The following SLIT3 variants were observed in gnomAD, a reference collection of about 807,000 sequenced individuals.
The protein encoded by SLIT3 is slit homolog 3 protein.
Under a neutral mutation model 184.0 loss-of-function variants are expected in SLIT3, and 68 were observed. The ratio of observed to expected loss-of-function variants is 0.37; its 90% CI spans 0.30 to 0.45. SLIT3 has a LOEUF of 0.45. Ranked by LOEUF, SLIT3 falls within the 20% of genes least tolerant of loss-of-function variation. The pLI is 1.00. For synonymous variants in SLIT3, 831 were observed against 828.6 expected (o/e 1.00, Z -0.05); for missense variants, 1,707 against 2,026.0 (o/e 0.84, Z 3.02).
At chr5:169,200,564 C>T (rs553179902) in intron 3 of SLIT3, among the ~76,000 whole-genome samples, 24 of 152,230 alleles carry the variant, frequency 1.6e-4, no homozygotes, top group East Asian at 1.2e-3. Context: ...CTACAGACTC[C>T]GGGCAAGGGC....
At chr5:168,717,927 T>A (rs1442829455) in intron 23 of SLIT3, 1 of 152,240 alleles carries the variant, frequency 6.6e-6, no homozygotes, top group Non-Finnish European at 1.5e-5. Flanking sequence ...CCCAAAGTGC[T>A]GGGATTACAG....
At chr5:168,959,852 G>A (rs1041927321) in intron 4 of SLIT3, among the ~76,000 whole-genome samples, 8 of 152,148 alleles carry the variant, frequency 5.3e-5, no homozygotes, top group Non-Finnish European at 1.0e-4. Context: ...CATTTACCGA[G>A]TTCTCACAGG....
rs1439251084 is a variant in SLIT3, at chr5:168,665,757, A to C, written c.*697T>G. 6.6e-6 allele frequency: 1 copy of C among 151,776 alleles called. No individual in the cohort carries two copies. The highest frequency in any genetic ancestry group is 1.5e-5 in the Non-Finnish European group (1 of 68,402). 9.4% of individuals were successfully genotyped at this position (151,776 alleles called of 1,614,324 possible). A position where few individuals can be genotyped will look rare whatever the true frequency, so the allele number is the denominator to read the frequency against. ...CCAGGAAGGAGAAGAGGGGTCCCCC[A>C]GTGGGTTCAGATACCCTGAAGGGGG... On this transcript the variant is annotated 3_prime_UTR_variant, in exon 36 of 36. Transcript: ENST00000519560.
At chr5:168,951,786 G>C (rs1033266892) in intron 4 of SLIT3, among the ~76,000 whole-genome samples, 9 of 152,192 alleles carry the variant, frequency 5.9e-5, no homozygotes, top group African/African-American at 2.2e-4. Flanking sequence ...AGGCTCATCT[G>C]TTCCTGTCTC....
At chr5:169,185,734 A>G (rs1763310401) in intron 4 of SLIT3, among the ~76,000 whole-genome samples, 1 of 152,206 alleles carries the variant, frequency 6.6e-6, no homozygotes, top group African/African-American at 2.4e-5. Context: ...CCAGTCATTC[A>G]ACAACTCTGA....
At chr5:168,891,197 G>A (rs536603265) in intron 4 of SLIT3, among the ~76,000 whole-genome samples, 1 of 152,280 alleles carries the variant, frequency 6.6e-6, no homozygotes, top group Non-Finnish European at 1.5e-5. Flanking sequence ...TTTGGGAGCA[G>A]GATGCAAAGG....
intron 3 of SLIT3, among the ~76,000 whole-genome samples, chr5:169,216,520 C>A (rs1267410864): frequency 6.6e-6 from 1 of 152,328 alleles, no homozygotes; most frequent in African/African-American, 2.4e-5. Context: ...GCAAGTTCAG[C>A]AGTCTTCCTA....
At position 169,054,304 on chromosome 5, in the gene SLIT3, G is replaced by A. The variant is rs531468661; in HGVS notation, c.413+139175C>T. Among the ~76,000 whole-genome samples the A allele has an allele frequency of 6.6e-5, 10 of 151,484 alleles. No homozygotes were observed. In the South Asian group the frequency reaches 1.7e-3, roughly 25 times the overall value. On this transcript the variant is annotated intron_variant, in intron 4 of 35. Coordinates refer to ENST00000519560, the MANE Select transcript of SLIT3 (RefSeq NM_003062.4). Reference sequence around the variant, plus strand: ...CCACAAACCAAAGAATACTGGGGGCGGGCTACCAGAAGCTGGGAGAGGCAA... The same window carrying A: ...CCACAAACCAAAGAATACTGGGGGCAGGCTACCAGAAGCTGGGAGAGGCAA...
intron 20 of SLIT3, 71 bp from the exon 21 acceptor site, chr5:168,724,555 C>T (rs1763045853): frequency 7.5e-7 from 1 of 1,339,114 alleles, no homozygotes; most frequent in Non-Finnish European, 1.0e-6. Context: ...TCAGAGAAGC[C>T]TCCCTGACTT....
intron 4 of SLIT3, among the ~76,000 whole-genome samples, chr5:169,119,513 T>G (rs959984232): frequency 5.3e-5 from 8 of 152,246 alleles, no homozygotes; most frequent in African/African-American, 1.9e-4. Context: ...AATTGCCAAG[T>G]GATGTTTATT....
At chr5:168,908,930 G>A (rs1201779250) in intron 4 of SLIT3, among the ~76,000 whole-genome samples, 2 of 152,176 alleles carry the variant, frequency 1.3e-5, no homozygotes, top group Non-Finnish European at 2.9e-5. Context: ...AGAGGGTCCT[G>A]AAAAATGCTC....
intron 4 of SLIT3, among the ~76,000 whole-genome samples, chr5:168,899,515 TA>T (rs1190458880): frequency 5.9e-5 from 9 of 151,582 alleles, no homozygotes; most frequent in Non-Finnish European, 5.9e-5. Flanking sequence ...TCCTGCCTCT[TA>T]AAAAAAAGCC....
intron 4 of SLIT3, among the ~76,000 whole-genome samples, chr5:169,169,132 C>G (rs994906560): frequency 6.6e-6 from 1 of 152,234 alleles, no homozygotes; most frequent in Non-Finnish European, 1.5e-5. Context: ...GGCTCCTAAC[C>G]TGCTAGATGA....
chr5:169,000,725 CAGAA>C (rs1755676001), intron 4 of SLIT3, among the ~76,000 whole-genome samples: 1 of 152,174 alleles, frequency 6.6e-6, no homozygotes, highest in African/African-American at 2.4e-5. Context: ...CAAACAGCAA[CAGAA>C]AGAAAGATAC....
intron 4 of SLIT3, among the ~76,000 whole-genome samples, chr5:169,015,931 A>AACACACACACAC (rs3138760): frequency 8.3e-6 from 1 of 120,286 alleles, no homozygotes; most frequent in Non-Finnish European, 1.7e-5. Flanking sequence ...GAAAAATATA[A>AACACACACACAC]ACACACACAC....
chr5:169,096,801 T>C (rs2113217637), intron 4 of SLIT3, among the ~76,000 whole-genome samples: 1 of 152,314 alleles, frequency 6.6e-6, no homozygotes, highest in South Asian at 2.1e-4. Context: ...ACTGAGTCAA[T>C]TGAAACTCAG....
At chr5:168,805,485 G>A (rs1756924454) in intron 9 of SLIT3, among the ~76,000 whole-genome samples, 1 of 152,072 alleles carries the variant, frequency 6.6e-6, no homozygotes. Context: ...CCAACTAAAG[G>A]TGAAGGCAAA....
chr5:169,197,136 C>T (rs1763766923), intron 3 of SLIT3, among the ~76,000 whole-genome samples: 1 of 152,084 alleles, frequency 6.6e-6, no homozygotes, highest in East Asian at 1.9e-4. Context: ...CAGTTTTTTG[C>T]CGGTATTTGT....
At chr5:169,049,177 T>C (rs1757732898) in intron 4 of SLIT3, among the ~76,000 whole-genome samples, 1 of 152,002 alleles carries the variant, frequency 6.6e-6, no homozygotes, top group Non-Finnish European at 1.5e-5. Context: ...TTGGAAAAAA[T>C]TACACTGGCC....
Sources: allele counts gnomAD v4.1 joint callset (sites outside exome capture counted in the v4.1 genomes callset), GRCh38; gene constraint gnomAD v4.1.1; transcripts MANE v1.5; gene names NCBI Gene and HGNC (gene_info 2026-07-23, HGNC 2026-07-21).